ARMC10: variants seen among roughly 807,000 people sequenced by gnomAD.
ARMC10 encodes the protein armadillo repeat containing 10.
Under a neutral mutation model 30.2 loss-of-function variants are expected in ARMC10, and 23 were observed. The ratio of observed to expected loss-of-function variants is 0.76; its 90% CI spans 0.55 to 1.08. The LOEUF is 1.08. ARMC10 is among the 50% of genes least tolerant of loss of function. The pLI, the probability that ARMC10 is intolerant of heterozygous loss-of-function variation, is 0.00. For missense variants in ARMC10, 303 were observed against 413.7 expected, an observed-to-expected ratio of 0.73 and a Z score of 2.32; for synonymous variants, 111 against 164.4, an observed-to-expected ratio of 0.68 and a Z score of 2.48.
At chr7:103,087,981 A>G (rs921666797) in intron 4 of ARMC10, among the ~76,000 whole-genome samples, 2 of 152,206 alleles carry the variant, frequency 1.3e-5, no homozygotes, top group African/African-American at 4.8e-5. Context: ...CTCTAAATCT[A>G]CTTTGAAAAT....
At chr7:103,096,563 C>A (rs1002674810) in intron 5 of ARMC10, 16 of 151,920 alleles carry the variant, frequency 1.1e-4, no homozygotes, top group African/African-American at 3.6e-4. Flanking sequence ...GATTATATTT[C>A]TTTATTTCTT....
intron 2 of ARMC10, among the ~76,000 whole-genome samples, chr7:103,081,375 T>TAAAAAC (rs750669427): frequency 1.3e-4 from 20 of 152,232 alleles, no homozygotes; most frequent in Non-Finnish European, 2.5e-4. Context: ...TTCTCTTTTT[T>TAAAAAC]AAAAACAAAA....
chr7:103,080,383 T>TA (rs972074726), intron 2 of ARMC10, among the ~76,000 whole-genome samples: 4 of 151,598 alleles, frequency 2.6e-5, no homozygotes, highest in African/African-American at 9.7e-5. Flanking sequence ...GCCACCCGAG[T>TA]AGCTGGGACT....
intron 5 of ARMC10, among the ~76,000 whole-genome samples, chr7:103,094,244 A>G (rs1801584755): frequency 6.6e-6 from 1 of 152,244 alleles, no homozygotes; most frequent in Non-Finnish European, 1.5e-5. Context: ...TGGAGGATTA[A>G]CATAAACTGT....
intron 1 of ARMC10, 30 bp downstream of exon 1, chr7:103,075,441 CG>C (rs1799623929): frequency 1.6e-6 from 2 of 1,284,028 alleles, no homozygotes; most frequent in South Asian, 6.9e-5. Flanking sequence ...GGCAGGTGGG[CG>C]GGGACTGGGC....
In ARMC10 at chr7:103,092,557, G is replaced by T; in HGVS notation, c.609G>T (p.Leu203Phe). ...TGCAGCTGGCTGGACTGACATTGTT[G>T]ACAAACATGACTGTTACCAATGACC... ...SAVQLAGLTLLTNMTVTNDHQ... is the reference protein window; with the variant it reads ...SAVQLAGLTLFTNMTVTNDHQ... The change falls in exon 5 of 7, where the codon TTG becomes TTT. Residue 203 changes from leucine to phenylalanine, a missense_variant. Transcript: ENST00000323716. The T allele has an allele frequency of 6.2e-7, 1 of 1,609,886 alleles. No homozygotes were observed. The highest frequency in any genetic ancestry group is 8.5e-7 in the Non-Finnish European group (1 of 1,176,722).
At chr7:103,092,403 T>C in intron 4 of ARMC10, 74 bp from the exon 5 acceptor site, 7 of 1,029,876 alleles carry the variant, frequency 6.8e-6, no homozygotes, top group Non-Finnish European at 9.7e-6. Context: ...CCTACTCCAC[T>C]GTGCAGAAAA....
In ARMC10 at chr7:103,082,329, T is replaced by G. The variant is rs559816176; in HGVS notation, c.245-1353T>G. 1.3e-4 allele frequency among the ~76,000 whole-genome samples: 20 copies of G among 151,680 alleles called. 2 individuals carry two copies. Among genetic ancestry groups the G allele is most frequent in the African/African-American group, 2.7e-4 (11 of 41,406 alleles). On this transcript the variant is annotated intron_variant, in intron 2 of 6. Transcript: ENST00000323716. ...TCTATACTTGTCCCTTTATTTATTT[T>G]TGTGTGTGTGTGTGTGATTCTTCTT...
intron 2 of ARMC10, among the ~76,000 whole-genome samples, chr7:103,076,382 C>T (rs1799822655): frequency 6.6e-6 from 1 of 152,150 alleles, no homozygotes. Flanking sequence ...TGATGTGGAA[C>T]CAGGTGCCCA....
intron 4 of ARMC10, 55 bp downstream of exon 4, chr7:103,086,819 A>C: frequency 4.4e-6 from 7 of 1,574,332 alleles, no homozygotes; most frequent in Non-Finnish European, 6.0e-6. Context: ...AAAAAATAAC[A>C]AAAAGATGAG....
At chr7:103,077,246 G>A (rs1585715250) in intron 2 of ARMC10, among the ~76,000 whole-genome samples, 1 of 151,760 alleles carries the variant, frequency 6.6e-6, no homozygotes, top group East Asian at 1.9e-4. Flanking sequence ...GAAAAAGGGA[G>A]TGGAAGGGGA....
chr7:103,094,427 TCATATTTA>T (rs1394886267), intron 5 of ARMC10, among the ~76,000 whole-genome samples: 1 of 152,256 alleles, frequency 6.6e-6, no homozygotes, highest in Non-Finnish European at 1.5e-5. Context: ...TATTTTTTTC[TCATATTTA>T]ACTCCCTTCT....
At chr7:103,094,535 T>C (rs1468665986) in intron 5 of ARMC10, among the ~76,000 whole-genome samples, 1 of 152,244 alleles carries the variant, frequency 6.6e-6, no homozygotes, top group Non-Finnish European at 1.5e-5. Flanking sequence ...CCTCATTGAC[T>C]ATTAGTGGGT....
At chr7:103,088,013 CCA>C (rs1049692502) in intron 4 of ARMC10, among the ~76,000 whole-genome samples, 46 of 152,216 alleles carry the variant, frequency 3.0e-4, no homozygotes, top group African/African-American at 1.0e-3. Flanking sequence ...AGAAGTATTA[CCA>C]GTTTGGAGGC....
chr7:103,086,831 A>G (rs1395626207), intron 4 of ARMC10, 67 bp downstream of exon 4: 1 of 1,566,942 alleles, frequency 6.4e-7, no homozygotes, highest in East Asian at 2.3e-5. Flanking sequence ...AAAGATGAGT[A>G]ATGAAACTTT....
intron 2 of ARMC10, among the ~76,000 whole-genome samples, 195 bp downstream of exon 2, chr7:103,076,076 T>A (rs1223535142): frequency 6.6e-6 from 1 of 152,170 alleles, no homozygotes; most frequent in Non-Finnish European, 1.5e-5. Context: ...TGTCCACAAT[T>A]GTAGAAGAGA....
At chr7:103,092,184 T>G (rs1045343035) in intron 4 of ARMC10, among the ~76,000 whole-genome samples, 1 of 151,804 alleles carries the variant, frequency 6.6e-6, no homozygotes, top group Non-Finnish European at 1.5e-5. Flanking sequence ...TACAAAAAAA[T>G]TAGCCGGGCG....
chr7:103,091,248 G>T (rs1801292539), intron 4 of ARMC10, among the ~76,000 whole-genome samples: 1 of 152,090 alleles, frequency 6.6e-6, no homozygotes, highest in African/African-American at 2.4e-5. Flanking sequence ...GGGCAACATG[G>T]TGAAACCCTG....
At position 103,088,411 on chromosome 7, in the gene ARMC10, T is replaced by C. The variant is rs1585760484; in HGVS notation, c.528+1647T>C. ...AAGTATCAGTTAAGAATTTCTGGAA[T>C]GCACTCCAATGCCAGAAGACCACTA... On this transcript the variant is annotated intron_variant, in intron 4 of 6. Coordinates refer to ENST00000323716, the MANE Select transcript of ARMC10 (RefSeq NM_031905.5). Among the ~76,000 whole-genome samples, 8 of 152,290 alleles carry C rather than the reference T, an allele frequency of 5.3e-5. No individual in the cohort carries two copies. The South Asian group carries it at 1.7e-3, about 32-fold the overall frequency.
Sources: gnomAD v4.1 joint callset for allele counts (sites outside exome capture counted in the v4.1 genomes callset) on GRCh38, gnomAD v4.1.1 for gene constraint, MANE v1.5 for transcripts, NCBI Gene and HGNC (gene_info 2026-07-23, HGNC 2026-07-21) for gene names.